Variants in CFAP299 observed in about 807,000 individuals in gnomAD.
CFAP299 encodes the protein cilia and flagella associated protein 299.
CFAP299 carries 21 observed loss-of-function variants against 27.0 expected under a neutral mutation model. The ratio of observed to expected loss-of-function variants is 0.78; its 90% CI spans 0.55 to 1.12. The LOEUF is 1.12. Ranked by LOEUF, CFAP299 falls within the 50% of genes most tolerant of loss-of-function variation. The probability of loss-of-function intolerance (pLI) is 0.00; values close to 1 mark genes in which losing one functional copy is unlikely to be tolerated. For missense variants in CFAP299, 310 were observed against 276.6 expected (o/e 1.12, Z -0.86); for synonymous variants, 104 against 98.1 (o/e 1.06, Z -0.36).
chr4:80,372,759 G>A (rs1191110273), intron 2 of CFAP299, among the ~76,000 whole-genome samples: 1 of 152,102 alleles, frequency 6.6e-6, no homozygotes, highest in Non-Finnish European at 1.5e-5. Context: ...AAGTTCTGTG[G>A]GATGCCCAAC....
At position 80,373,772 on chromosome 4, in the gene CFAP299, A is replaced by C. The variant is rs553975045; in HGVS notation, c.242+10888A>C. On this transcript the variant is annotated intron_variant, in intron 2 of 5. Coordinates refer to ENST00000358105, the MANE Select transcript of CFAP299 (RefSeq NM_152770.3). ...GTTGCATCAAGGTACTATTATGCCC[A>C]TTGTGCTTAGGGTAGCCTAGGTATG... is the stretch of plus-strand genomic sequence containing the variant. 1.3e-3 allele frequency among the ~76,000 whole-genome samples: 195 copies of C among 152,238 alleles called. 3 individuals carry two copies. Among genetic ancestry groups the C allele is most frequent in the Non-Finnish European group, 1.2e-4 (8 of 68,014 alleles).
chr4:80,499,359 T>C (rs749033927), intron 2 of CFAP299, among the ~76,000 whole-genome samples: 3 of 152,172 alleles, frequency 2.0e-5, no homozygotes, highest in Non-Finnish European at 2.9e-5. Flanking sequence ...TGTTTAGTTG[T>C]AGTTTTTTAT....
Position 80,426,083 on chromosome 4 carries a change from A to G in CFAP299, c.242+63199A>G, listed in dbSNP as rs539772809. On this transcript the variant is annotated intron_variant, in intron 2 of 5. Transcript: ENST00000358105. ...ATCAGTATGTTTAATAAAATTGACC[A>G]CCAAAGACAGCCTAATAGAGTTACC... 4.6e-5 allele frequency among the ~76,000 whole-genome samples: 7 copies of G among 151,858 alleles called. No individual in the cohort carries two copies. In the South Asian group the frequency reaches 1.5e-3, roughly 32 times the overall value.
chr4:80,561,049 CAT>C (rs1176561871), intron 2 of CFAP299, among the ~76,000 whole-genome samples: 1 of 152,144 alleles, frequency 6.6e-6, no homozygotes, highest in Non-Finnish European at 1.5e-5. Context: ...GCAGTGCAGT[CAT>C]AGTGGTGGTG....
At chr4:80,547,039 T>G (rs1734269139) in intron 2 of CFAP299, among the ~76,000 whole-genome samples, 1 of 151,858 alleles carries the variant, frequency 6.6e-6, no homozygotes, top group Non-Finnish European at 1.5e-5. Flanking sequence ...ATTCCAGAAT[T>G]CATATGGAAG....
At chr4:80,373,766 A>G (rs1202055051) in intron 2 of CFAP299, among the ~76,000 whole-genome samples, 1 of 152,148 alleles carries the variant, frequency 6.6e-6, no homozygotes, top group Non-Finnish European at 1.5e-5. Flanking sequence ...AGGTACTATT[A>G]TGCCCATTGT....
chr4:80,606,675 C>T (rs1265136660), intron 3 of CFAP299, among the ~76,000 whole-genome samples: 3 of 152,156 alleles, frequency 2.0e-5, no homozygotes, highest in Admixed American at 6.5e-5. Context: ...ACGTGCTCTT[C>T]CATGGCTTGC....
chr4:80,827,879 T>C lies in CFAP299; in HGVS notation c.334-42114T>C, dbSNP rs546603856. 5.3e-5 allele frequency among the ~76,000 whole-genome samples: 8 copies of C among 151,980 alleles called. No individual in the cohort carries two copies. In the South Asian group the frequency reaches 6.2e-4, roughly 12 times the overall value. On this transcript the variant is annotated intron_variant, in intron 3 of 5. Coordinates refer to ENST00000358105, the MANE Select transcript of CFAP299 (RefSeq NM_152770.3). ...GCAAGATACAAAGTCAACAGAAAAA[T>C]ATCCGTTGCATTTCTGTACATGAAC...
At chr4:80,685,820 G>A (rs1720152864) in intron 3 of CFAP299, among the ~76,000 whole-genome samples, 1 of 151,974 alleles carries the variant, frequency 6.6e-6, no homozygotes. Flanking sequence ...ACTTTTTGAA[G>A]GTCCCCATGG....
At chr4:80,331,839 A>G (rs1721953517), upstream of CFAP299, among the ~76,000 whole-genome samples, 1 of 152,234 alleles carries the variant, frequency 6.6e-6, no homozygotes, top group Non-Finnish European at 1.5e-5. Context: ...GTAAGGCAGT[A>G]AGTAAAGCAA....
chr4:80,728,403 G>A (rs1004030466), intron 3 of CFAP299, among the ~76,000 whole-genome samples: 4 of 151,808 alleles, frequency 2.6e-5, no homozygotes, highest in Non-Finnish European at 5.9e-5. Context: ...TTATATTTTC[G>A]TTTTTTAAAA....
chr4:80,621,715 T>C (rs1738614938), intron 3 of CFAP299, among the ~76,000 whole-genome samples: 2 of 152,130 alleles, frequency 1.3e-5, no homozygotes, highest in African/African-American at 2.4e-5. Context: ...AAAAGTAATA[T>C]GATATAGTAA....
At chr4:80,906,252 C>T (rs1431829687) in intron 4 of CFAP299, among the ~76,000 whole-genome samples, 1 of 152,202 alleles carries the variant, frequency 6.6e-6, no homozygotes, top group African/African-American at 2.4e-5. Flanking sequence ...CCATGTCTCA[C>T]ACCCATGTCA....
intron 3 of CFAP299, among the ~76,000 whole-genome samples, chr4:80,701,386 ATTAC>A (rs1426952250): frequency 3.3e-5 from 5 of 152,098 alleles, no homozygotes; most frequent in Non-Finnish European, 5.9e-5. Flanking sequence ...AACAAGTTTA[ATTAC>A]TTACTTTTTC....
chr4:80,860,305 C>T (rs2110157760), intron 3 of CFAP299, among the ~76,000 whole-genome samples: 1 of 152,262 alleles, frequency 6.6e-6, no homozygotes, highest in East Asian at 1.9e-4. Context: ...TCTAGTTATA[C>T]ATTCGTCTAA....
intron 3 of CFAP299, among the ~76,000 whole-genome samples, chr4:80,584,416 A>C (rs142825086): frequency 2.0e-4 from 30 of 152,166 alleles, no homozygotes; most frequent in Non-Finnish European, 3.8e-4. Flanking sequence ...GGAAAATGTT[A>C]GAGGTCAAGA....
At chr4:80,530,746 T>C (rs541379832) in intron 2 of CFAP299, among the ~76,000 whole-genome samples, 1 of 152,280 alleles carries the variant, frequency 6.6e-6, no homozygotes, top group African/African-American at 2.4e-5. Flanking sequence ...GATATGACGA[T>C]AGTTAGAAAG....
intron 2 of CFAP299, chr4:80,388,268 A>G (rs17004891): frequency 0.21 from 141,797 of 685,592 alleles, 15,698 homozygotes; most frequent in South Asian, 0.28. Flanking sequence ...GGGCTGGTCC[A>G]GGGATGTGAA....
chr4:80,386,250 C>T lies in CFAP299; in HGVS notation c.242+23366C>T, dbSNP rs1227104774. On this transcript the variant is annotated intron_variant, in intron 2 of 5. Coordinates refer to ENST00000358105, the MANE Select transcript of CFAP299 (RefSeq NM_152770.3). The stretch of plus-strand genomic sequence containing the variant: ...GGCCCTCGGCCCCGGCCTGCAGCCC[C>T]GCCAGAGCCAGGTTGGAGCCCAGCC... 34 of 1,148,488 alleles carry T rather than the reference C, an allele frequency of 3.0e-5. No homozygotes were observed. In the South Asian group the frequency reaches 3.7e-4, roughly 12 times the overall value. The allele number at this position is 1,148,488 out of a possible 1,614,324, so 71.1% of individuals were successfully genotyped here.
Sources: allele counts gnomAD v4.1 joint callset (sites outside exome capture counted in the v4.1 genomes callset), GRCh38; gene constraint gnomAD v4.1.1; transcripts MANE v1.5; gene names NCBI Gene and HGNC (gene_info 2026-07-23, HGNC 2026-07-21).